PDE7B: variants seen among roughly 807,000 people sequenced by gnomAD.
The protein encoded by PDE7B is phosphodiesterase 7B, also known as 3',5'-cyclic-AMP phosphodiesterase 7B.
Under a neutral mutation model 56.2 loss-of-function variants are expected in PDE7B, and 29 were observed. The ratio of observed to expected loss-of-function variants is 0.52; its 90% confidence interval spans 0.38 to 0.70. The LOEUF is 0.70. Ranked by LOEUF, PDE7B falls within the 30% of genes least tolerant of loss-of-function variation. PDE7B has a pLI of 0.00. For synonymous variants in PDE7B, 197 were observed against 196.9 expected (o/e 1.00, Z 0.00); for missense variants, 490 against 565.0 (o/e 0.87, Z 1.35).
At chr6:135,999,961 T>C (rs1000875873) in intron 2 of PDE7B, among the ~76,000 whole-genome samples, 1 of 152,240 alleles carries the variant, frequency 6.6e-6, no homozygotes, top group African/African-American at 2.4e-5. Flanking sequence ...CCATTCTGAC[T>C]AGTGTAAGAT....
chr6:135,858,763 A>G (rs1229532899), intron 1 of PDE7B, among the ~76,000 whole-genome samples: 1 of 152,198 alleles, frequency 6.6e-6, no homozygotes, highest in Non-Finnish European at 1.5e-5. Flanking sequence ...AACAATAAAC[A>G]TATTTTACCA....
At chr6:135,899,671 C>T (rs1329707018) in intron 1 of PDE7B, among the ~76,000 whole-genome samples, 1 of 151,400 alleles carries the variant, frequency 6.6e-6, no homozygotes, top group Non-Finnish European at 1.5e-5. Context: ...AATAGTAATT[C>T]TTATTTATGA....
chr6:136,035,873 T>C (rs936025641), intron 2 of PDE7B, among the ~76,000 whole-genome samples: 1 of 152,254 alleles, frequency 6.6e-6, no homozygotes, highest in Non-Finnish European at 1.5e-5. Flanking sequence ...CTTAGTACAT[T>C]AGTGTATGTG....
chr6:135,926,086 G>GA (rs1774178680), intron 1 of PDE7B, among the ~76,000 whole-genome samples: 12 of 33,012 alleles, frequency 3.6e-4, no homozygotes, highest in African/African-American at 2.3e-3. Flanking sequence ...TCTTTTTTTT[G>GA]GGGGGGGGGG....
At chr6:136,067,257 A>C (rs1360310635) in intron 2 of PDE7B, among the ~76,000 whole-genome samples, 2 of 152,172 alleles carry the variant, frequency 1.3e-5, no homozygotes, top group Non-Finnish European at 2.9e-5. Flanking sequence ...CATGCATGTA[A>C]AATTTTCAGC....
intron 1 of PDE7B, among the ~76,000 whole-genome samples, chr6:135,893,612 T>C (rs1228309993): frequency 1.3e-5 from 2 of 152,100 alleles, no homozygotes; most frequent in East Asian, 1.9e-4. Context: ...TGGTGATTCC[T>C]CAGGGATCTA....
intron 2 of PDE7B, among the ~76,000 whole-genome samples, chr6:136,000,353 G>A (rs151150745): frequency 2.8e-4 from 42 of 152,170 alleles, no homozygotes; most frequent in Middle Eastern, 3.4e-3. Context: ...GTATTTCTTC[G>A]GTTGTCTTCC....
intron 2 of PDE7B, among the ~76,000 whole-genome samples, chr6:135,991,159 A>C (rs1047758785): frequency 8.5e-5 from 13 of 152,198 alleles, no homozygotes; most frequent in African/African-American, 3.1e-4. Flanking sequence ...TGGCTTCTTT[A>C]CTGCACCCTG....
At chr6:135,973,553 G>T (rs1775130973) in intron 2 of PDE7B, among the ~76,000 whole-genome samples, 1 of 152,140 alleles carries the variant, frequency 6.6e-6, no homozygotes, top group Non-Finnish European at 1.5e-5. Flanking sequence ...CCTCCATACT[G>T]TTTTCCATAG....
At chr6:136,069,799 A>T (rs948623038) in intron 2 of PDE7B, among the ~76,000 whole-genome samples, 2 of 152,208 alleles carry the variant, frequency 1.3e-5, no homozygotes, top group African/African-American at 4.8e-5. Flanking sequence ...TAAAAATATC[A>T]CAAAAATTAA....
At chr6:136,165,272 T>C (rs1433273875) in intron 8 of PDE7B, among the ~76,000 whole-genome samples, 2 of 152,148 alleles carry the variant, frequency 1.3e-5, no homozygotes, top group Non-Finnish European at 2.9e-5. Flanking sequence ...AATAAGTAGA[T>C]AAGGTCGTGT....
intron 2 of PDE7B, among the ~76,000 whole-genome samples, chr6:136,009,635 G>A (rs530205883): frequency 6.6e-6 from 1 of 152,028 alleles, no homozygotes; most frequent in African/African-American, 2.4e-5. Flanking sequence ...GGCTCCGTTT[G>A]TCTGTTATTG....
intron 8 of PDE7B, among the ~76,000 whole-genome samples, chr6:136,166,755 C>A (rs1395938988): frequency 6.6e-6 from 1 of 152,148 alleles, no homozygotes; most frequent in African/African-American, 2.4e-5. Context: ...TGGCTGGGGA[C>A]ACAGATACAA....
At chr6:135,931,237 G>A (rs772001169) in intron 1 of PDE7B, among the ~76,000 whole-genome samples, 33 of 152,126 alleles carry the variant, frequency 2.2e-4, no homozygotes, top group Non-Finnish European at 4.1e-4. Context: ...ACCTTTACAT[G>A]AATCCATTCC....
chr6:136,187,338 G>A (rs1779159346), intron 12 of PDE7B, among the ~76,000 whole-genome samples: 1 of 152,124 alleles, frequency 6.6e-6, no homozygotes, highest in South Asian at 2.1e-4. Context: ...TTTGTTATAG[G>A]CCCTTAACTA....
chr6:136,042,684 C>A (rs1240379437), intron 2 of PDE7B, among the ~76,000 whole-genome samples: 10 of 152,310 alleles, frequency 6.6e-5, no homozygotes, highest in African/African-American at 2.4e-4. Context: ...ATCTCCAGAA[C>A]CATTCTCTGA....
intron 2 of PDE7B, among the ~76,000 whole-genome samples, chr6:136,084,528 T>C (rs1054311208): frequency 5.3e-5 from 8 of 152,202 alleles, no homozygotes; most frequent in African/African-American, 1.9e-4. Context: ...ATGATTAATA[T>C]GCCACATAGT....
intron 3 of PDE7B, among the ~76,000 whole-genome samples, chr6:136,138,535 C>T (rs148488718): frequency 1.3e-5 from 2 of 152,110 alleles, no homozygotes; most frequent in African/African-American, 2.4e-5. Context: ...GATTGTTGCA[C>T]GTTCTTCCCC....
At chr6:136,175,506 G>C (rs1778963090) in intron 9 of PDE7B, among the ~76,000 whole-genome samples, 1 of 151,982 alleles carries the variant, frequency 6.6e-6, no homozygotes, top group Non-Finnish European at 1.5e-5. Context: ...CTGCCATCCA[G>C]GTATAGTTCA....
Sources: gnomAD v4.1 joint callset for allele counts (sites outside exome capture counted in the v4.1 genomes callset) on GRCh38, gnomAD v4.1.1 for gene constraint, MANE v1.5 for transcripts, NCBI Gene and HGNC (gene_info 2026-07-23, HGNC 2026-07-21) for gene names.